The following EYS variants were observed in gnomAD, a reference collection of about 807,000 sequenced individuals.
EYS encodes the protein protein eyes shut homolog.
A neutral mutation model predicts 282.1 loss-of-function variants in EYS; 250 were observed. That is an observed-to-expected ratio of 0.89 (90% CI 0.80 to 0.98). The LOEUF is 0.98. Ranked by LOEUF, EYS falls within the 50% of genes least tolerant of loss-of-function variation. The pLI is 0.00. For missense variants in EYS, 4,016 were observed against 3,709.0 expected, an observed-to-expected ratio of 1.08 and a Z score of -2.15; for synonymous variants, 1,355 against 1,282.9, an observed-to-expected ratio of 1.06 and a Z score of -1.20.
chr6:65,039,516 C>T (rs888319903), intron 13 of EYS, among the ~76,000 whole-genome samples: 1 of 151,352 alleles, frequency 6.6e-6, no homozygotes, highest in African/African-American at 2.4e-5. Flanking sequence ...TTAAAAAAAA[C>T]TACTTGCATT....
At chr6:65,226,320 C>T (rs992364329) in intron 12 of EYS, among the ~76,000 whole-genome samples, 1 of 151,784 alleles carries the variant, frequency 6.6e-6, no homozygotes, top group Non-Finnish European at 1.5e-5. Context: ...AATAAACTAA[C>T]CAAGAAGGTG....
In EYS at chr6:64,052,736, C is replaced by G. The variant is rs139985308; in HGVS notation, c.6725+13602G>C. On this transcript the variant is annotated intron_variant, in intron 33 of 42. Coordinates refer to ENST00000503581, the MANE Select transcript of EYS (RefSeq NM_001142800.2). Reference sequence around the variant, plus strand: ...TAATTGAATCATGGCGGTGGTTTCTCCCATGTTGTTCTCTGATAGTGAGTA... The same window carrying G: ...TAATTGAATCATGGCGGTGGTTTCTGCCATGTTGTTCTCTGATAGTGAGTA... 3.1e-4 allele frequency among the ~76,000 whole-genome samples: 47 copies of G among 152,112 alleles called. 1 individual carries two copies. The highest frequency in any genetic ancestry group is 1.1e-3 in the African/African-American group (44 of 41,494).
At chr6:65,287,726 C>T (rs972210105) in intron 12 of EYS, among the ~76,000 whole-genome samples, 2 of 151,160 alleles carry the variant, frequency 1.3e-5, no homozygotes, top group Non-Finnish European at 3.0e-5. Flanking sequence ...ATTCCTTTGC[C>T]ATTTAAAAAG....
intron 30 of EYS, among the ~76,000 whole-genome samples, chr6:64,296,584 ACATATATATATATATTTTTTTTTT>A (rs1348522667): frequency 1.1e-3 from 4 of 3,556 alleles, no homozygotes; most frequent in African/African-American, 5.9e-3. Flanking sequence ...ATATATATAT[ACATATATATATATATTTTTTTTTT>A]TTTTTTTTTT....
chr6:64,393,966 C>G (rs1247212225), intron 28 of EYS, among the ~76,000 whole-genome samples: 1 of 151,954 alleles, frequency 6.6e-6, no homozygotes, highest in Admixed American at 6.6e-5. Context: ...ACAAAAATCA[C>G]AAGCATTCTT....
intron 29 of EYS, among the ~76,000 whole-genome samples, chr6:64,366,359 TGTC>T (rs1772178479): frequency 6.6e-6 from 1 of 151,962 alleles, no homozygotes; most frequent in African/African-American, 2.4e-5. Context: ...ACAATAAAAA[TGTC>T]AAGCTAGCCA....
At chr6:65,565,969 T>C (rs184624074) in intron 2 of EYS, among the ~76,000 whole-genome samples, 1 of 150,736 alleles carries the variant, frequency 6.6e-6, no homozygotes, top group Non-Finnish European at 1.5e-5. Flanking sequence ...GCTAGAGGAG[T>C]GATAGCATTC....
At chr6:65,481,977 G>A (rs1201699377) in intron 5 of EYS, among the ~76,000 whole-genome samples, 1 of 152,162 alleles carries the variant, frequency 6.6e-6, no homozygotes, top group Non-Finnish European at 1.5e-5. Flanking sequence ...GGAAGATTCA[G>A]AGGAAGACTC....
At chr6:64,468,813 T>C (rs1776010358) in intron 26 of EYS, among the ~76,000 whole-genome samples, 1 of 152,238 alleles carries the variant, frequency 6.6e-6, no homozygotes, top group African/African-American at 2.4e-5. Flanking sequence ...ATTTCATCTT[T>C]GTTGCTGTAA....
intron 12 of EYS, among the ~76,000 whole-genome samples, chr6:65,180,497 A>C (rs963660354): frequency 6.6e-6 from 1 of 152,122 alleles, no homozygotes; most frequent in African/African-American, 2.4e-5. Flanking sequence ...TCCAACTTAC[A>C]AGGGACGTGA....
chr6:64,231,089 G>GA (rs1056089847), intron 30 of EYS, among the ~76,000 whole-genome samples: 2 of 152,046 alleles, frequency 1.3e-5, no homozygotes, highest in African/African-American at 2.4e-5. Flanking sequence ...TTGTTTTATG[G>GA]AAAAAACATA....
chr6:63,766,063 G>A (rs1769780804), intron 40 of EYS, among the ~76,000 whole-genome samples: 1 of 152,000 alleles, frequency 6.6e-6, no homozygotes, highest in African/African-American at 2.4e-5. Context: ...TTTAATCTTA[G>A]TGAGATCTTA....
chr6:64,933,622 C>T (rs774280588), intron 15 of EYS, among the ~76,000 whole-genome samples: 6 of 152,092 alleles, frequency 3.9e-5, no homozygotes, highest in Non-Finnish European at 5.9e-5. Context: ...AGCCAGCAAT[C>T]CCATTACTGG....
At chr6:63,945,871 A>G (rs561130626) in intron 35 of EYS, among the ~76,000 whole-genome samples, 73 of 152,306 alleles carry the variant, frequency 4.8e-4, no homozygotes, top group Non-Finnish European at 1.3e-4. Context: ...AACTCACACT[A>G]TCATATCAGA....
intron 12 of EYS, among the ~76,000 whole-genome samples, chr6:65,178,145 A>T (rs750626907): frequency 3.9e-5 from 6 of 152,020 alleles, no homozygotes; most frequent in Middle Eastern, 3.4e-3. Context: ...ACCAGCTCAC[A>T]TGCACCCAAG....
intron 29 of EYS, among the ~76,000 whole-genome samples, chr6:64,346,666 A>G (rs1183188119): frequency 1.1e-4 from 16 of 151,856 alleles, no homozygotes; most frequent in African/African-American, 3.6e-4. Flanking sequence ...ACAAACCTGC[A>G]CGTTGGGCGC....
At chr6:65,002,446 T>A (rs1771496098) in intron 13 of EYS, among the ~76,000 whole-genome samples, 1 of 147,656 alleles carries the variant, frequency 6.8e-6, no homozygotes, top group Non-Finnish European at 1.5e-5. Context: ...GATATTAGTA[T>A]CTATACAGAT....
At chr6:65,073,399 C>T (rs573989273) in intron 12 of EYS, among the ~76,000 whole-genome samples, 25 of 151,478 alleles carry the variant, frequency 1.7e-4, no homozygotes, top group Non-Finnish European at 3.2e-4. Context: ...TTCCATTAGC[C>T]CTCTCTGAAG....
At chr6:63,804,026 T>C (rs1246631141) in intron 37 of EYS, among the ~76,000 whole-genome samples, 5 of 152,154 alleles carry the variant, frequency 3.3e-5, no homozygotes, top group Admixed American at 3.3e-4. Context: ...TTTCTTTTTC[T>C]TTTTCTTGAG....
Sources: allele counts gnomAD v4.1 joint callset (sites outside exome capture counted in the v4.1 genomes callset), GRCh38; gene constraint gnomAD v4.1.1; transcripts MANE v1.5; gene names NCBI Gene and HGNC (gene_info 2026-07-23, HGNC 2026-07-21).